SETD2: variants seen among roughly 807,000 people sequenced by gnomAD.
SETD2 encodes the protein SET domain containing 2, histone lysine methyltransferase, also known as histone-lysine N-methyltransferase SETD2.
SETD2 carries 31 observed loss-of-function variants against 242.1 expected under a neutral mutation model. The observed-to-expected ratio is 0.13, with a 90% CI of 0.10 to 0.17. The LOEUF is 0.17. Among genes scored for constraint, SETD2 ranks in the 10% least tolerant of loss-of-function variants. The pLI, the probability that SETD2 is intolerant of heterozygous loss-of-function variation, is 1.00. For missense variants in SETD2, 2,481 were observed against 3,046.3 expected, an observed-to-expected ratio of 0.81 and a Z score of 4.37; for synonymous variants, 1,006 against 1,066.5, an observed-to-expected ratio of 0.94 and a Z score of 1.11.
At chr3:47,063,319 A>G (rs1375023292) in intron 13 of SETD2, among the ~76,000 whole-genome samples, 1 of 152,132 alleles carries the variant, frequency 6.6e-6, no homozygotes, top group Non-Finnish European at 1.5e-5. Context: ...TTAAAAAAAC[A>G]TAATACCAGG....
At chr3:47,049,374 C>CTTTT (rs1166711209) in intron 15 of SETD2, among the ~76,000 whole-genome samples, 1 of 96,968 alleles carries the variant, frequency 1.0e-5, no homozygotes, top group South Asian at 3.7e-4. Context: ...TAAACTTATT[C>CTTTT]TTTTTTTTTT....
intron 17 of SETD2, among the ~76,000 whole-genome samples, chr3:47,039,845 T>G (rs2039196763): frequency 7.0e-6 from 1 of 141,998 alleles, no homozygotes; most frequent in African/African-American, 2.6e-5. Flanking sequence ...ATCACGCCAC[T>G]GCACTCCAGC....
intron 16 of SETD2, among the ~76,000 whole-genome samples, chr3:47,046,010 G>C (rs1377985538): frequency 2.0e-5 from 3 of 151,818 alleles, no homozygotes; most frequent in Non-Finnish European, 4.4e-5. Flanking sequence ...ACGCCCTCAG[G>C]GTGGCTCAGG....
Position 47,017,374 on chromosome 3 carries a change from G to T in SETD2, c.7534-120C>A. 9.5e-7 allele frequency: 1 copy of T among 1,048,646 alleles called. No individual in the cohort carries two copies. The highest frequency in any genetic ancestry group is 1.4e-6 in the Non-Finnish European group (1 of 722,982). 65.0% of individuals were successfully genotyped at this position (1,048,646 alleles called of 1,614,324 possible). A position where few individuals can be genotyped will look rare whatever the true frequency, so the allele number is the denominator to read the frequency against. On this transcript the variant is annotated intron_variant, in intron 20 of 20. Coordinates refer to ENST00000409792, the MANE Select transcript of SETD2 (RefSeq NM_014159.7). The surrounding 1 kb of genome is among the most constrained non-coding windows in gnomAD (Gnocchi z 4.8). ...AGGGCCCTTCTCACCAAGACAGGAA[G>T]TTAATAAGGGGGTAGATGTTGGGGC...
At chr3:47,116,520 ATAGG>A in intron 4 of SETD2, 99 bp downstream of exon 4, 1 of 1,195,486 alleles carries the variant, frequency 8.4e-7, no homozygotes, top group East Asian at 2.4e-5. Flanking sequence ...GTAGTCATCC[ATAGG>A]TAGGAGAAAG....
rs772220706 is a variant in SETD2, at chr3:47,120,491, G to A, written c.4145C>T (p.Ala1382Val). The A allele has an allele frequency of 6.2e-7, 1 of 1,613,710 alleles. No homozygotes were observed. The highest frequency in any genetic ancestry group is 8.5e-7 in the Non-Finnish European group (1 of 1,179,936). ...ISSNSIKDTL[A>V]VNEKKDFSKN... ...TGAAAAATCTTTCTTTTCATTCACA[G>A]CTAAAGTGTCCTTAATGGAATTGCT... Residue 1382 changes from alanine to valine, a missense_variant, in exon 3 of 21, where the codon GCT becomes GTT. Ala to Val is a moderately conservative substitution (Grantham distance 64). Around this residue, in one of 17 missense-constraint regions of SETD2, gnomAD observed 1,300 missense variants for 1,259.2 expected, o/e 1.03. Transcript: ENST00000409792.
Position 47,083,988 on chromosome 3 carries a change from T to C in SETD2, c.5792A>G (p.Gln1931Arg). The C allele has an allele frequency of 1.2e-6, 2 of 1,614,150 alleles. No homozygotes were observed. Among genetic ancestry groups the C allele is most frequent in the East Asian group, 2.2e-5 (1 of 44,890 alleles). The change falls in exon 12 of 21, where the codon CAA (glutamine) becomes CGA (arginine). Residue 1931 changes from glutamine to arginine, a missense_variant. By Grantham distance (43) the Gln-to-Arg change is conservative. Coordinates refer to ENST00000409792, the MANE Select transcript of SETD2 (RefSeq NM_014159.7). Reference protein sequence around the residue: ...EELQSQQLLPQQLPECKVDSE... With the variant: ...EELQSQQLLPRQLPECKVDSE... ...ATCAACTTTGCATTCAGGCAGCTGT[T>C]GTGGGAGTAGCTGTTGTGACTGCAA...
intron 1 of SETD2, among the ~76,000 whole-genome samples, chr3:47,143,877 A>AT (rs2043792238): frequency 6.6e-6 from 1 of 151,938 alleles, no homozygotes; most frequent in Non-Finnish European, 1.5e-5. Flanking sequence ...CACCCGGCTA[A>AT]TTTTTTGTAC....
chr3:47,103,496 A>G, intron 6 of SETD2, 73 bp from the exon 7 acceptor site: 2 of 1,067,978 alleles, frequency 1.9e-6, no homozygotes, highest in Non-Finnish European at 2.9e-6. Flanking sequence ...GCAAAACTAC[A>G]TACATCTCTT....
chr3:47,122,720 T>A lies in SETD2; in HGVS notation c.1916A>T (p.Glu639Val), dbSNP rs2106685648. The change falls in exon 3 of 21, where the codon GAA (glutamate) becomes GTA (valine). Residue 639 changes from glutamate (E) to valine (V), a missense_variant. Physicochemically the swap from Glu to Val is moderately radical, Grantham distance 121. This residue lies in a region of SETD2 where 1,300 missense variants were observed against 1,259.2 expected (regional missense o/e 1.03). Coordinates refer to ENST00000409792, the MANE Select transcript of SETD2 (RefSeq NM_014159.7). Reference protein sequence around the residue: ...KLDELPIFKSEFITHDSHDSI... With the variant: ...KLDELPIFKSVFITHDSHDSI... ...ATCATGGCTATCATGTGTTATAAATTCGGACTTAAAAATAGGCAATTCATC... is the reference window on the plus strand; with the variant it reads ...ATCATGGCTATCATGTGTTATAAATACGGACTTAAAAATAGGCAATTCATC... 1 of 1,611,398 alleles carries A rather than the reference T, an allele frequency of 6.2e-7. No individual in the cohort carries two copies. The highest frequency in any genetic ancestry group is 8.5e-7 in the Non-Finnish European group (1 of 1,179,100).
rs762619229 is a variant in SETD2 at position 47,057,421 on chromosome 3, G to A, written c.6363C>T (p.Arg2121=). The A allele has an allele frequency of 1.4e-5, 22 of 1,614,036 alleles. No individual in the cohort carries two copies. Among genetic ancestry groups the A allele is most frequent in the Non-Finnish European group, 1.8e-5 (21 of 1,180,032 alleles). ...KDRNKLSTEE[R]RKLFEQEVAQ... ...CCACCTCTTGCTCAAACAACTTCCG[G>A]CGTTCCTCTGTAGAAAGTTTATTGC... Residue 2121 remains arginine (R), a synonymous_variant, in exon 15 of 21, where the codon CGC becomes CGT. Transcript: ENST00000409792.
At chr3:47,125,219 T>C (rs549680991) in intron 2 of SETD2, among the ~76,000 whole-genome samples, 3 of 151,992 alleles carry the variant, frequency 2.0e-5, no homozygotes, top group Admixed American at 1.3e-4. Context: ...CTTGGGAGGC[T>C]GAGGTGGGAG....
intron 18 of SETD2, among the ~76,000 whole-genome samples, chr3:47,027,251 T>C (rs1195785687): frequency 6.8e-6 from 1 of 146,316 alleles, no homozygotes; most frequent in Non-Finnish European, 1.5e-5. Context: ...GGCAGGAGAA[T>C]GGCATGACCC....
chr3:47,058,831 G>A (rs1462606876), intron 14 of SETD2, among the ~76,000 whole-genome samples: 2 of 151,574 alleles, frequency 1.3e-5, no homozygotes, highest in Non-Finnish European at 2.9e-5. Context: ...GTCTCACTCT[G>A]TTGCCCAGAC....
intron 1 of SETD2, among the ~76,000 whole-genome samples, chr3:47,131,144 A>T (rs1397152588): frequency 6.6e-6 from 1 of 152,212 alleles, no homozygotes; most frequent in Non-Finnish European, 1.5e-5. Context: ...GTCACACAAG[A>T]AATGGTTAAA....
At chr3:47,095,723 T>G (rs1400077839) in intron 9 of SETD2, among the ~76,000 whole-genome samples, 1 of 144,672 alleles carries the variant, frequency 6.9e-6, no homozygotes, top group Non-Finnish European at 1.5e-5. Context: ...TATCCATCAG[T>G]AGGAAAATAT....
intron 6 of SETD2, chr3:47,105,532 T>C (rs1477457749): frequency 1.3e-5 from 3 of 236,372 alleles, no homozygotes; most frequent in Non-Finnish European, 2.6e-5. Context: ...CATGTTTTTA[T>C]TTTCTACCTT....
In SETD2 at chr3:47,076,306, T is replaced by G. The variant is rs76080338; in HGVS notation, c.6060+7414A>C. Among the ~76,000 whole-genome samples, 130 of 152,206 alleles carry G rather than the reference T, an allele frequency of 8.5e-4. 2 individuals are homozygous for G. The East Asian group carries it at 0.023, about 27-fold the overall frequency. ...CTTGAGAGGAGACTGCAGAAATAAA[T>G]GGAAACCAGACCATGGCCAGGCATG... is the stretch of plus-strand genomic sequence containing the variant. On this transcript the variant is annotated intron_variant, in intron 12 of 20. Transcript: ENST00000409792.
At chr3:47,035,392 T>C (rs2038953191) in intron 18 of SETD2, among the ~76,000 whole-genome samples, 1 of 152,208 alleles carries the variant, frequency 6.6e-6, no homozygotes, top group African/African-American at 2.4e-5. Flanking sequence ...CTTTAAAGGT[T>C]TCCCTTTCTC....
Sources: gnomAD v4.1 joint callset for allele counts (sites outside exome capture counted in the v4.1 genomes callset) on GRCh38, gnomAD v4.1.1 for gene constraint, gnomAD v4.1.1 regional missense constraint, Gnocchi (gnomAD v3.1) non-coding constraint, MANE v1.5 for transcripts, NCBI Gene and HGNC (gene_info 2026-07-23, HGNC 2026-07-21) for gene names.